IL1RAPL1: variants seen among roughly 807,000 people sequenced by gnomAD.
IL1RAPL1 encodes the protein interleukin 1 receptor accessory protein like 1, also known as interleukin-1 receptor accessory protein-like 1.
A neutral mutation model predicts 48.4 loss-of-function variants in IL1RAPL1; 3 were observed. That is an observed-to-expected ratio of 0.06 (90% CI 0.03 to 0.16). The LOEUF is 0.16. IL1RAPL1 is among the 10% of genes least tolerant of loss of function. The probability of loss-of-function intolerance (pLI) is 1.00; values close to 1 mark genes in which losing one functional copy is unlikely to be tolerated. For missense variants in IL1RAPL1, 349 were observed against 530.6 expected, an observed-to-expected ratio of 0.66 and a Z score of 3.36; for synonymous variants, 185 against 187.7, an observed-to-expected ratio of 0.99 and a Z score of 0.12.
chrX:29,895,498 C>T (rs951481136), intron 6 of IL1RAPL1, among the ~76,000 whole-genome samples: 2 of 112,412 alleles, frequency 1.8e-5, no homozygotes, highest in Admixed American at 9.4e-5. Flanking sequence ...TGAGCAAGAT[C>T]GCACCACTGC....
At chrX:29,045,591 A>G (rs1477014532) in intron 2 of IL1RAPL1, among the ~76,000 whole-genome samples, 1 of 111,087 alleles carries the variant, frequency 9.0e-6, no homozygotes, top group Non-Finnish European at 1.9e-5. Context: ...TCAGCCTTTC[A>G]AGTAACTAGA....
chrX:29,940,495 G>A (rs1456826031), intron 8 of IL1RAPL1, among the ~76,000 whole-genome samples: 1 of 112,010 alleles, frequency 8.9e-6, no homozygotes, highest in Non-Finnish European at 1.9e-5. Flanking sequence ...TTTCAGAAAT[G>A]TTTATATTTA....
chrX:29,261,178 T>C (rs1422785102), intron 2 of IL1RAPL1, among the ~76,000 whole-genome samples: 1 of 110,293 alleles, frequency 9.1e-6, no homozygotes, highest in African/African-American at 3.3e-5. Context: ...TCGACTTTCC[T>C]AGGTATGATT....
chrX:28,688,624 T>C (rs755667293), intron 1 of IL1RAPL1, among the ~76,000 whole-genome samples: 28 of 112,178 alleles, frequency 2.5e-4, no homozygotes, highest in Non-Finnish European at 4.5e-4. Flanking sequence ...AAACAGGGTT[T>C]AGAGGGGCTC....
At chrX:29,541,006 G>T (rs1379061517) in intron 5 of IL1RAPL1, among the ~76,000 whole-genome samples, 2 of 111,800 alleles carry the variant, frequency 1.8e-5, no homozygotes, top group African/African-American at 6.5e-5. Flanking sequence ...CCTACAGAAT[G>T]GGAGAAAATA....
At chrX:28,753,281 G>A (rs184406895) in intron 1 of IL1RAPL1, among the ~76,000 whole-genome samples, 2 of 112,299 alleles carry the variant, frequency 1.8e-5, no homozygotes, top group East Asian at 5.6e-4. Context: ...ACTACTACAG[G>A]TAGATTTTTC....
rs200219177 is a variant in IL1RAPL1 at position 29,802,926 on chromosome X, C to CATATATATGTGT, written c.779-114532_779-114531insATGTGTATATAT. 9.0e-4 allele frequency among the ~76,000 whole-genome samples: 62 copies of CATATATATGTGT among 68,939 alleles called. 7 individuals carry two copies. Among genetic ancestry groups the CATATATATGTGT allele is most frequent in the African/African-American group, 3.6e-3 (57 of 15,720 alleles). 59.9% of individuals were successfully genotyped at this position (68,939 alleles called of 115,157 possible). On this transcript the variant is annotated intron_variant, in intron 6 of 10. Transcript: ENST00000378993. ...ATGTGTATATATGTGTACATATATA[C>CATATATATGTGT]ATATATGTGTACATATGTATGCATA...
chrX:29,213,026 T>A (rs1046364573), intron 2 of IL1RAPL1, among the ~76,000 whole-genome samples: 6 of 111,279 alleles, frequency 5.4e-5, no homozygotes, highest in Admixed American at 9.5e-5. Flanking sequence ...GACATGGAGT[T>A]TTGCTGTTGT....
intron 2 of IL1RAPL1, among the ~76,000 whole-genome samples, chrX:29,189,142 G>A (rs906474795): frequency 8.9e-6 from 1 of 111,838 alleles, no homozygotes; most frequent in Non-Finnish European, 1.9e-5. Flanking sequence ...TTTACAGAAC[G>A]TCTTCAGTGT....
chrX:29,937,014 T>A (rs59619131), intron 8 of IL1RAPL1, among the ~76,000 whole-genome samples: 1 of 111,780 alleles, frequency 8.9e-6, no homozygotes, highest in Non-Finnish European at 1.9e-5. Flanking sequence ...GGACTATTGT[T>A]AATTGCCTGT....
At chrX:29,258,528 T>C (rs757530130) in intron 2 of IL1RAPL1, among the ~76,000 whole-genome samples, 1 of 111,480 alleles carries the variant, frequency 9.0e-6, no homozygotes, top group East Asian at 2.8e-4. Flanking sequence ...GTATATGATT[T>C]TCACCAATCA....
chrX:29,756,926 C>G (rs1473268522), intron 6 of IL1RAPL1, among the ~76,000 whole-genome samples: 1 of 111,299 alleles, frequency 9.0e-6, no homozygotes, highest in Admixed American at 9.6e-5. Flanking sequence ...GAGAGAACAC[C>G]ACTGGGTAAT....
chrX:28,775,987 T>G (rs940156959), intron 1 of IL1RAPL1, among the ~76,000 whole-genome samples: 21 of 112,119 alleles, frequency 1.9e-4, no homozygotes, highest in African/African-American at 5.5e-4. Flanking sequence ...CATATATTTT[T>G]TATTTGTTCA....
intron 6 of IL1RAPL1, among the ~76,000 whole-genome samples, chrX:29,807,442 C>T: frequency 9.4e-6 from 1 of 106,874 alleles, no homozygotes; most frequent in Non-Finnish European, 1.9e-5. Flanking sequence ...TGGTAAAACC[C>T]CGTCTCTCCT....
chrX:28,893,519 G>C (rs1194045426), intron 2 of IL1RAPL1, among the ~76,000 whole-genome samples: 1 of 111,543 alleles, frequency 9.0e-6, no homozygotes, highest in East Asian at 2.8e-4. Context: ...ACTATCCAGT[G>C]AAAGTGTCTA....
chrX:29,332,633 TTTATTTATTTA>T lies in IL1RAPL1; in HGVS notation c.362+49419_362+49429del, dbSNP rs1300637482. Among the ~76,000 whole-genome samples, 103 of 100,663 alleles carry T rather than the reference TTTATTTATTTA, an allele frequency of 1.0e-3. 1 individual carries two copies. Among genetic ancestry groups the T allele is most frequent in the African/African-American group, 4.1e-3 (99 of 24,002 alleles). 87.4% of individuals were successfully genotyped at this position (100,663 alleles called of 115,157 possible). ...TTTTATTTATTTATTTATTTATTTATTTATTTATTTATTTATTTTATTTTTTTTTTTTTATT... is the reference window on the plus strand; with the variant it reads ...TTTTATTTATTTATTTATTTATTTATTTTATTTTATTTTTTTTTTTTTATT... On this transcript the variant is annotated intron_variant, in intron 3 of 10. Coordinates refer to ENST00000378993, the MANE Select transcript of IL1RAPL1 (RefSeq NM_014271.4).
intron 5 of IL1RAPL1, among the ~76,000 whole-genome samples, chrX:29,584,828 A>G (rs1923103827): frequency 1.8e-5 from 2 of 112,233 alleles, no homozygotes; most frequent in Admixed American, 1.9e-4. Context: ...TGTTGGGATT[A>G]CAGGCATGAG....
chrX:29,482,640 A>G (rs1285851895), intron 5 of IL1RAPL1, among the ~76,000 whole-genome samples: 1 of 112,486 alleles, frequency 8.9e-6, no homozygotes, highest in African/African-American at 3.2e-5. Flanking sequence ...TAAAAGCTGC[A>G]TAGAATTTCA....
chrX:28,660,760 G>A (rs1449033053), intron 1 of IL1RAPL1, among the ~76,000 whole-genome samples: 2 of 111,502 alleles, frequency 1.8e-5, no homozygotes, highest in African/African-American at 3.3e-5. Context: ...AGCTTATATC[G>A]AAGAAAAGTC....
Sources: allele counts gnomAD v4.1 joint callset (sites outside exome capture counted in the v4.1 genomes callset), GRCh38; gene constraint gnomAD v4.1.1; transcripts MANE v1.5; gene names NCBI Gene and HGNC (gene_info 2026-07-23, HGNC 2026-07-21).